HS6ST3: variants seen among roughly 807,000 people sequenced by gnomAD.
HS6ST3 encodes heparan-sulfate 6-O-sulfotransferase 3.
HS6ST3 carries 12 observed loss-of-function variants against 36.7 expected under a neutral mutation model. That is an observed-to-expected ratio of 0.33 (90% CI 0.21 to 0.53). HS6ST3 has a LOEUF of 0.53. Among genes scored for constraint, HS6ST3 ranks in the 20% least tolerant of loss-of-function variants. HS6ST3 has a pLI of 0.95. For synonymous variants in HS6ST3, 240 were observed against 257.5 expected (o/e 0.93, Z 0.65); for missense variants, 584 against 640.9 (o/e 0.91, Z 0.96).
chr13:96,471,797 T>C (rs955525881), intron 1 of HS6ST3, among the ~76,000 whole-genome samples: 2 of 152,208 alleles, frequency 1.3e-5, no homozygotes, highest in South Asian at 2.1e-4. Flanking sequence ...ATCGTGCTTA[T>C]ATTAGTCAGC....
intron 1 of HS6ST3, among the ~76,000 whole-genome samples, chr13:96,418,260 C>T (rs570625771): frequency 8.5e-5 from 13 of 152,236 alleles, no homozygotes; most frequent in South Asian, 6.2e-4. Context: ...GTTCCACCTC[C>T]GTTGGGAATA....
intron 1 of HS6ST3, among the ~76,000 whole-genome samples, chr13:96,661,453 CT>C (rs2056646030): frequency 6.6e-6 from 1 of 151,916 alleles, no homozygotes; most frequent in Non-Finnish European, 1.5e-5. Context: ...GCTTGCTTTT[CT>C]TTTTCCAACA....
chr13:96,375,569 A>G (rs982705968), intron 1 of HS6ST3, among the ~76,000 whole-genome samples: 2 of 152,176 alleles, frequency 1.3e-5, no homozygotes, highest in African/African-American at 4.8e-5. Context: ...CTCTAACTTC[A>G]AGCCTGTGAC....
chr13:96,440,206 G>A (rs1369843610), intron 1 of HS6ST3, among the ~76,000 whole-genome samples: 2 of 152,110 alleles, frequency 1.3e-5, no homozygotes, highest in African/African-American at 2.4e-5. Context: ...CAGCACTTTG[G>A]GAGACCAAGT....
chr13:96,737,961 T>C (rs1876329839), intron 1 of HS6ST3, among the ~76,000 whole-genome samples: 1 of 152,158 alleles, frequency 6.6e-6, no homozygotes, highest in Admixed American at 6.5e-5. Flanking sequence ...ATAAGAACCT[T>C]GTGATTACAT....
At chr13:96,211,860 A>G (rs1356073954) in intron 1 of HS6ST3, among the ~76,000 whole-genome samples, 1 of 152,236 alleles carries the variant, frequency 6.6e-6, no homozygotes, top group Non-Finnish European at 1.5e-5. Flanking sequence ...AAGAAAACAC[A>G]AAACCTTTTT....
At chr13:96,364,668 T>C (rs1351461594) in intron 1 of HS6ST3, among the ~76,000 whole-genome samples, 1 of 152,124 alleles carries the variant, frequency 6.6e-6, no homozygotes. Context: ...GATGAACAAG[T>C]TCAGGAAATG....
intron 1 of HS6ST3, among the ~76,000 whole-genome samples, chr13:96,753,157 T>G (rs546268588): frequency 6.6e-6 from 1 of 152,352 alleles, no homozygotes; most frequent in African/African-American, 2.4e-5. Context: ...TGGCATTAAA[T>G]TGTTATTATA....
intron 1 of HS6ST3, among the ~76,000 whole-genome samples, chr13:96,381,538 C>G (rs759002901): frequency 6.6e-6 from 1 of 152,092 alleles, no homozygotes; most frequent in Non-Finnish European, 1.5e-5. Context: ...GAGCTTCAAT[C>G]TCATTGTCTG....
intron 1 of HS6ST3, among the ~76,000 whole-genome samples, chr13:96,830,860 G>T (rs1878764522): frequency 6.6e-6 from 1 of 152,178 alleles, no homozygotes. Context: ...AACGAGCCAA[G>T]GACTGAACTA....
At chr13:96,592,842 T>C in intron 1 of HS6ST3, among the ~76,000 whole-genome samples, 1 of 152,146 alleles carries the variant, frequency 6.6e-6, no homozygotes, top group East Asian at 1.9e-4. Context: ...GTCAATTTTC[T>C]CTTGCTGCCT....
chr13:96,700,331 C>T (rs557970707), intron 1 of HS6ST3, among the ~76,000 whole-genome samples: 5 of 152,172 alleles, frequency 3.3e-5, no homozygotes, highest in Admixed American at 6.5e-5. Context: ...TTCACTACCA[C>T]GAGAACAGCA....
chr13:96,620,679 C>T (rs933020163), intron 1 of HS6ST3, among the ~76,000 whole-genome samples: 1 of 152,148 alleles, frequency 6.6e-6, no homozygotes, highest in African/African-American at 2.4e-5. Flanking sequence ...AGTTCCCCCA[C>T]CTGTAAAATA....
At chr13:96,265,042 T>C (rs2054684880) in intron 1 of HS6ST3, among the ~76,000 whole-genome samples, 1 of 152,134 alleles carries the variant, frequency 6.6e-6, no homozygotes, top group African/African-American at 2.4e-5. Flanking sequence ...AGAGTCCAAC[T>C]TACTTCCACT....
At chr13:96,825,646 G>C (rs1878631839) in intron 1 of HS6ST3, among the ~76,000 whole-genome samples, 1 of 152,172 alleles carries the variant, frequency 6.6e-6, no homozygotes, top group Non-Finnish European at 1.5e-5. Context: ...GTTGCTGAAT[G>C]AGTCTTTCTA....
At chr13:96,277,372 T>C (rs2054753403) in intron 1 of HS6ST3, among the ~76,000 whole-genome samples, 1 of 152,212 alleles carries the variant, frequency 6.6e-6, no homozygotes, top group South Asian at 2.1e-4. Context: ...CTGGTATTTC[T>C]CACCACTTCT....
At chr13:96,684,735 G>A (rs978782570) in intron 1 of HS6ST3, among the ~76,000 whole-genome samples, 3 of 151,922 alleles carry the variant, frequency 2.0e-5, no homozygotes, top group Non-Finnish European at 4.4e-5. Context: ...TTATCACTAG[G>A]TAGTGCAGCT....
intron 1 of HS6ST3, among the ~76,000 whole-genome samples, chr13:96,600,152 G>T (rs1007924606): frequency 1.3e-5 from 2 of 152,032 alleles, no homozygotes; most frequent in South Asian, 4.1e-4. Context: ...AGGGCCATTT[G>T]TTCTAGATTC....
At chr13:96,221,508 T>G (rs1160472928) in intron 1 of HS6ST3, among the ~76,000 whole-genome samples, 1 of 152,112 alleles carries the variant, frequency 6.6e-6, no homozygotes, top group Non-Finnish European at 1.5e-5. Flanking sequence ...CTGATTCTAA[T>G]TAACTGCAGT....
Sources: gnomAD v4.1 joint callset for allele counts (sites outside exome capture counted in the v4.1 genomes callset) on GRCh38, gnomAD v4.1.1 for gene constraint, MANE v1.5 for transcripts, NCBI Gene and HGNC (gene_info 2026-07-23, HGNC 2026-07-21) for gene names.